KMT2A: variants seen among roughly 807,000 people sequenced by gnomAD.
KMT2A encodes histone-lysine N-methyltransferase 2A.
A neutral mutation model predicts 345.3 loss-of-function variants in KMT2A; 16 were observed. That is an observed-to-expected ratio of 0.05 (90% CI 0.03 to 0.07). The LOEUF (loss-of-function observed/expected upper bound fraction) is 0.07. Ranked by LOEUF, KMT2A falls within the 10% of genes least tolerant of loss-of-function variation. KMT2A has a pLI of 1.00. For missense variants in KMT2A, 3,272 were observed against 4,841.6 expected, an observed-to-expected ratio of 0.68 and a Z score of 9.62; for synonymous variants, 1,599 against 1,778.6, an observed-to-expected ratio of 0.90 and a Z score of 2.54.
At chr11:118,488,819 C>G (rs1479328799) in intron 11 of KMT2A, 59 bp downstream of exon 11, 70 of 1,516,914 alleles carry the variant, frequency 4.6e-5, no homozygotes, top group Non-Finnish European at 5.8e-5. Flanking sequence ...TTCTGTATCC[C>G]TGGACTCAAC....
intron 24 of KMT2A, 72 bp downstream of exon 24, chr11:118,499,985 A>G: frequency 1.0e-6 from 1 of 969,338 alleles, no homozygotes; most frequent in South Asian, 1.3e-5. Context: ...CAGGTCATTA[A>G]ATGTAGAGGC....
In KMT2A at chr11:118,502,933, T is replaced by A. The variant is rs781960499; in HGVS notation, c.7041T>A (p.Asn2347Lys). 2 of 1,610,590 alleles carry A rather than the reference T, an allele frequency of 1.2e-6. No homozygotes were observed. Among genetic ancestry groups the A allele is most frequent in the Admixed American group, 1.7e-5 (1 of 59,984 alleles). ...QVHNTTSREL[N>K]VSKIGSFAEP... The stretch of plus-strand genomic sequence containing the variant: ...ATAACACAACATCTAGAGAACTGAA[T>A]GTTAGTAAAATCGGCTCCTTTGCTG... The change falls in exon 27 of 36, where the codon AAT (asparagine) becomes AAA (lysine). Residue 2347 changes from asparagine to lysine, a missense_variant. By Grantham distance (94) the Asn-to-Lys change is moderately conservative (BLOSUM62 0). This residue lies in a region of KMT2A where 445 missense variants were observed against 500.9 expected (regional missense o/e 0.89). Transcript: ENST00000534358. The surrounding 1 kb of genome is among the most constrained non-coding windows in gnomAD (Gnocchi z 4.9).
chr11:118,505,676 C>T lies in KMT2A; in HGVS notation c.9784C>T (p.Pro3262Ser), dbSNP rs782128844. 2.3e-5 allele frequency: 37 copies of T among 1,614,192 alleles called. No homozygotes were observed. Among genetic ancestry groups the T allele is most frequent in the Non-Finnish European group, 3.0e-5 (35 of 1,180,032 alleles). Residue 3262 changes from proline to serine, a missense_variant, in exon 27 of 36, where the codon CCC becomes TCC. Around this residue, in one of 27 missense-constraint regions of KMT2A, gnomAD observed 748 missense variants for 922.2 expected, o/e 0.81. Transcript: ENST00000534358. The surrounding 1 kb of genome is among the most constrained non-coding windows in gnomAD (Gnocchi z 4.6). The part of the protein sequence containing the change: ...VSNMTLINFT[P>S]SQLPNHPSLL... ...TAATATGACATTGATTAACTTCACA[C>T]CCTCCCAGCTTCCTAATCATCCAAG...
chr11:118,513,227 GATAA>G (rs1164015301), intron 31 of KMT2A, among the ~76,000 whole-genome samples: 1 of 152,016 alleles, frequency 6.6e-6, no homozygotes, highest in Non-Finnish European at 1.5e-5. Flanking sequence ...CTGAACGACA[GATAA>G]ATACTTTGTC....
intron 7 of KMT2A, 123 bp downstream of exon 7, chr11:118,482,215 GCT>G: frequency 8.8e-7 from 1 of 1,142,286 alleles, no homozygotes; most frequent in Non-Finnish European, 1.2e-6. Context: ...AAGAAAATCA[GCT>G]CTCTTTCTAA....
chr11:118,483,240 A>G (rs1795853943), intron 8 of KMT2A, among the ~76,000 whole-genome samples: 1 of 149,720 alleles, frequency 6.7e-6, no homozygotes, highest in Non-Finnish European at 1.5e-5. Context: ...CCCAAAAAAA[A>G]AAAAAAAAGT....
rs782268821 is a variant in KMT2A, at chr11:118,499,953, C to T, written c.6158+40C>T. 5 of 1,310,188 alleles carry T rather than the reference C, an allele frequency of 3.8e-6. No homozygotes were observed. The Admixed American group carries it at 8.4e-5, about 22-fold the overall frequency. 81.2% of individuals were successfully genotyped at this position (1,310,188 alleles called of 1,614,324 possible). On this transcript the variant is annotated intron_variant, in intron 24 of 35. Transcript: ENST00000534358. ...AAAGAGAAGAGAGCAGCCCCACAAC[C>T]TGAACACACTGAAGCCATGTGCAGG...
At chr11:118,516,177 G>A (rs1400691087) in intron 31 of KMT2A, among the ~76,000 whole-genome samples, 1 of 152,096 alleles carries the variant, frequency 6.6e-6, no homozygotes, top group Non-Finnish European at 1.5e-5. Flanking sequence ...TTCTAGTGGT[G>A]TATATGTATA....
Position 118,476,714 on chromosome 11 carries a change from A to T in KMT2A, c.3157-91A>T. ...GAGTTGTGTGTTTTGATTCTAAATC[A>T]TACTGAAATTGATTAAGTATACCTT... On this transcript the variant is annotated intron_variant, in intron 3 of 35. Coordinates refer to ENST00000534358, the MANE Select transcript of KMT2A (RefSeq NM_001197104.2). This position sits in a 1 kb window ranked among gnomAD's most constrained non-coding sequence, Gnocchi z 4.1. 2 of 1,002,276 alleles carry T rather than the reference A, an allele frequency of 2.0e-6. No individual in the cohort carries two copies. Among genetic ancestry groups the T allele is most frequent in the Non-Finnish European group, 3.0e-6 (2 of 670,978 alleles). The allele number at this position is 1,002,276 out of a possible 1,614,324, so 62.1% of individuals were successfully genotyped here. A position where few individuals can be genotyped will look rare whatever the true frequency, so the allele number is the denominator to read the frequency against.
Position 118,502,459 on chromosome 11 carries a change from A to G in KMT2A, c.6567A>G (p.Gly2189=). 6.2e-7 allele frequency: 1 copy of G among 1,613,876 alleles called. No homozygotes were observed. The highest frequency in any genetic ancestry group is 8.5e-7 in the Non-Finnish European group (1 of 1,179,860). ...VTVGDPLLSS[G]LRSIGSRRHS... ...TAGGTGATCCTTTACTCTCCTCTGG[A>G]CTTCGAAGCATTGGCTCCAGGCGTC... Residue 2189 remains glycine, a synonymous_variant, in exon 27 of 36, where the codon GGA becomes GGG. Transcript: ENST00000534358. The surrounding 1 kb of genome is among the most constrained non-coding windows in gnomAD (Gnocchi z 4.9).
chr11:118,501,922 T>C (rs973702552), intron 26 of KMT2A, 65 bp downstream of exon 26: 263 of 1,335,860 alleles, frequency 2.0e-4, no homozygotes, highest in South Asian at 7.5e-4. Context: ...TGTAATTCTT[T>C]CAGGCAACTT....
At chr11:118,500,041 T>C in intron 24 of KMT2A, 128 bp downstream of exon 24, 3 of 622,440 alleles carry the variant, frequency 4.8e-6, no homozygotes, top group Non-Finnish European at 8.6e-6. Context: ...TAATCACTTA[T>C]TTTGCTAGTT....
Position 118,484,816 on chromosome 11 carries a change from T to C in KMT2A, c.4219-46T>C. The C allele has an allele frequency of 8.2e-7, 1 of 1,219,664 alleles. No individual in the cohort carries two copies. Among genetic ancestry groups the C allele is most frequent in the Non-Finnish European group, 1.2e-6 (1 of 821,452 alleles). 75.6% of individuals were successfully genotyped at this position (1,219,664 alleles called of 1,614,324 possible). A position where few individuals can be genotyped will look rare whatever the true frequency, so the allele number is the denominator to read the frequency against. On this transcript the variant is annotated intron_variant, in intron 9 of 35. Coordinates refer to ENST00000534358, the MANE Select transcript of KMT2A (RefSeq NM_001197104.2). The surrounding 1 kb of genome is among the most constrained non-coding windows in gnomAD (Gnocchi z 4.1). ...TTTCATCCTTATTTTCCATCCAAAG[T>C]TGTGTAATTGTAAAACTTTCCTAAG...
At position 118,495,861 on chromosome 11, in the gene KMT2A, C is replaced by T. The variant is rs144180211; in HGVS notation, c.5525C>T (p.Thr1842Ile). 20 of 1,613,854 alleles carry T rather than the reference C, an allele frequency of 1.2e-5. No homozygotes were observed. The highest frequency in any genetic ancestry group is 2.7e-5 in the African/African-American group (2 of 74,922). The change falls in exon 19 of 36, where the codon ACT (threonine) becomes ATT (isoleucine). Residue 1842 changes from threonine to isoleucine, a missense_variant. By Grantham distance (89) the Thr-to-Ile change is moderately conservative. Around this residue, in one of 27 missense-constraint regions of KMT2A, gnomAD observed 235 missense variants for 503.4 expected, o/e 0.47. Transcript: ENST00000534358. The surrounding 1 kb of genome is among the most constrained non-coding windows in gnomAD (Gnocchi z 4.1). ...PKGPGEPDSP[T>I]PLHPPTPPIL... is the part of the protein sequence containing the mutation. ...GGTCCTGGAGAACCAGACTCACCAA[C>T]TCCTCTGCATCCTCCTACACCACCA...
rs1328439903 is a variant in KMT2A at position 118,439,254 on chromosome 11, GC to G, written c.432+2314del. The G allele has an allele frequency of 1.7e-5, 6 of 360,948 alleles. No individual in the cohort carries two copies. The East Asian group carries it at 4.3e-4, about 26-fold the overall frequency. 22.4% of individuals were successfully genotyped at this position (360,948 alleles called of 1,614,324 possible). ...TTGCCTGGTTATATGTAGCATTTTAGCCCCATGTATATTTGAGTTTAATAAG... is the reference window on the plus strand; with the variant it reads ...TTGCCTGGTTATATGTAGCATTTTAGCCCATGTATATTTGAGTTTAATAAG... On this transcript the variant is annotated intron_variant, in intron 1 of 35. Transcript: ENST00000534358.
intron 23 of KMT2A, among the ~76,000 whole-genome samples, 170 bp from the exon 24 acceptor site, chr11:118,499,665 A>G (rs941624709): frequency 6.6e-6 from 1 of 151,670 alleles, no homozygotes; most frequent in Admixed American, 6.5e-5. Context: ...CTATAATCCC[A>G]GCTACTTGGG....
rs1485877904 is a variant in KMT2A at position 118,524,233 on chromosome 11, G to C, written c.*2061G>C. On this transcript the variant is annotated 3_prime_UTR_variant, in exon 36 of 36. Transcript: ENST00000534358. ...CAGTCTGACCACTCACGATAAAGCA[G>C]ATTTTTCTCTGCCTCTGCCACAAGG... 2.2e-5 allele frequency: 4 copies of C among 183,508 alleles called. No individual in the cohort carries two copies. The highest frequency in any genetic ancestry group is 3.5e-5 in the Non-Finnish European group (3 of 86,014). The allele number at this position is 183,508 out of a possible 1,614,324, so 11.4% of individuals were successfully genotyped here. A position where few individuals can be genotyped will look rare whatever the true frequency, so the allele number is the denominator to read the frequency against.
rs782736692 is a variant in KMT2A at position 118,477,952 on chromosome 11, A to T, written c.3335-15A>T. 1 of 1,609,122 alleles carries T rather than the reference A, an allele frequency of 6.2e-7. No homozygotes were observed. Among genetic ancestry groups the T allele is most frequent in the Admixed American group, 1.7e-5 (1 of 59,930 alleles). On this transcript the variant is annotated splice_polypyrimidine_tract_variant and intron_variant, in intron 4 of 35. Transcript: ENST00000534358. ...TCAGTACTCCCTTGGAACTAATGCC[A>T]CATTTCTTTAACAGACAAGTCATCA...
At chr11:118,454,702 T>G (rs1555030154) in intron 1 of KMT2A, among the ~76,000 whole-genome samples, 1 of 152,230 alleles carries the variant, frequency 6.6e-6, no homozygotes, top group African/African-American at 2.4e-5. Flanking sequence ...GTCAGACCAT[T>G]GTAAGTCAGG....
Sources: gnomAD v4.1 joint callset for allele counts (sites outside exome capture counted in the v4.1 genomes callset) on GRCh38, gnomAD v4.1.1 for gene constraint, gnomAD v4.1.1 regional missense constraint, Gnocchi (gnomAD v3.1) non-coding constraint, MANE v1.5 for transcripts, NCBI Gene and HGNC (gene_info 2026-07-23, HGNC 2026-07-21) for gene names.